Variants in CREB1 observed in about 807,000 individuals in gnomAD.
CREB1 encodes cAMP responsive element binding protein 1, also known as cyclic AMP-responsive element-binding protein 1.
A neutral mutation model predicts 42.0 loss-of-function variants in CREB1; 2 were observed. The observed-to-expected ratio is 0.05, with a 90% confidence interval of 0.02 to 0.15. The LOEUF is 0.15. CREB1 is among the 10% of genes least tolerant of loss of function. The probability of loss-of-function intolerance (pLI) is 1.00; values close to 1 mark genes in which losing one functional copy is unlikely to be tolerated. For missense variants in CREB1, 199 were observed against 388.9 expected, an observed-to-expected ratio of 0.51 and a Z score of 4.11; for synonymous variants, 123 against 139.9, an observed-to-expected ratio of 0.88 and a Z score of 0.85.
At chr2:207,546,481 CTT>C in intron 1 of CREB1, among the ~76,000 whole-genome samples, 1 of 152,276 alleles carries the variant, frequency 6.6e-6, no homozygotes, top group East Asian at 1.9e-4. Context: ...AATCCCAACA[CTT>C]TGAGAGGCTG....
intron 7 of CREB1, among the ~76,000 whole-genome samples, chr2:207,590,934 TCA>T (rs2084918772): frequency 6.6e-6 from 1 of 152,226 alleles, no homozygotes; most frequent in African/African-American, 2.4e-5. Flanking sequence ...TTATTTGCAT[TCA>T]GTTTAAAAAT....
intron 5 of CREB1, chr2:207,571,629 G>A (rs546800550): frequency 1.6e-5 from 6 of 363,644 alleles, no homozygotes; most frequent in South Asian, 1.0e-4. Context: ...AATTCTGTAC[G>A]TGTATGTGTA....
intron 5 of CREB1, chr2:207,571,647 T>G (rs1023438697): frequency 2.8e-5 from 12 of 424,698 alleles, no homozygotes; most frequent in African/African-American, 2.4e-4. Context: ...GTATTATCAG[T>G]TGAAGCCTCA....
intron 1 of CREB1, among the ~76,000 whole-genome samples, chr2:207,534,857 G>T (rs772800524): frequency 1.3e-5 from 2 of 152,098 alleles, no homozygotes; most frequent in Non-Finnish European, 2.9e-5. Context: ...GCAAACACGA[G>T]CAAATATGTA....
At chr2:207,543,622 ATTT>A (rs909279882) in intron 1 of CREB1, among the ~76,000 whole-genome samples, 4 of 151,718 alleles carry the variant, frequency 2.6e-5, no homozygotes, top group Admixed American at 2.6e-4. Context: ...TTATTTATTT[ATTT>A]TTGAGATGGA....
At chr2:207,540,669 T>TAAAAAA (rs35714520) in intron 1 of CREB1, among the ~76,000 whole-genome samples, 503 of 64,166 alleles carry the variant, frequency 7.8e-3, no homozygotes, top group East Asian at 0.017. Flanking sequence ...GTTTAAAAAG[T>TAAAAAA]AAAAAAAAAA....
rs571652212 is a variant in CREB1, at chr2:207,558,478, A to G, written c.115-1748A>G. Among the ~76,000 whole-genome samples the G allele has an allele frequency of 5.3e-5, 8 of 152,094 alleles. No homozygotes were observed. The South Asian group carries it at 1.2e-3, about 24-fold the overall frequency. ...TAAAGCCCTTTCTGGACTGCTTCCA[A>G]ATTTTCATAAAATCACTTCCCTCGT... On this transcript the variant is annotated intron_variant, in intron 2 of 7. Transcript: ENST00000353267.
chr2:207,543,988 C>T (rs887693994), intron 1 of CREB1, among the ~76,000 whole-genome samples: 70 of 151,584 alleles, frequency 4.6e-4, no homozygotes, highest in African/African-American at 1.5e-3. Context: ...GGCACCATCT[C>T]AGCTCACTGC....
intron 1 of CREB1, among the ~76,000 whole-genome samples, chr2:207,554,696 A>T (rs1015536579): frequency 3.9e-5 from 6 of 152,204 alleles, no homozygotes; most frequent in Admixed American, 6.5e-5. Flanking sequence ...AGCAAAGCAG[A>T]GTCCAAATGT....
In CREB1 at chr2:207,597,508, G is replaced by A. The variant is rs2086364746; in HGVS notation, c.*450G>A. ...AGTAAGTAAGGTGCAATGAAGAAGT[G>A]TTGATTGCCAAATTGACATGTTGTC... On this transcript the variant is annotated 3_prime_UTR_variant, in exon 8 of 8. Coordinates refer to ENST00000353267, the MANE Select transcript of CREB1 (RefSeq NM_004379.5). 4.5e-6 allele frequency: 1 copy of A among 219,986 alleles called. No individual in the cohort carries two copies. The highest frequency in any genetic ancestry group is 2.2e-5 in the African/African-American group (1 of 44,594). 13.6% of individuals were successfully genotyped at this position (219,986 alleles called of 1,614,324 possible).
At chr2:207,585,526 A>G (rs181616284) in intron 7 of CREB1, among the ~76,000 whole-genome samples, 1 of 152,352 alleles carries the variant, frequency 6.6e-6, no homozygotes, top group Non-Finnish European at 1.5e-5. Context: ...TAAAATACTG[A>G]GGAAACACGA....
chr2:207,561,253 A>G lies in CREB1; in HGVS notation c.261+881A>G, dbSNP rs2081946324. On this transcript the variant is annotated intron_variant, in intron 3 of 7. Coordinates refer to ENST00000353267, the MANE Select transcript of CREB1 (RefSeq NM_004379.5). ...GTCTTTGTCCTTTTCCTCTATAAAC[A>G]TGGAATTTCAACACTTGAACAAAAA... The G allele has an allele frequency of 6.9e-6, 8 of 1,157,972 alleles. 1 individual carries two copies. Among genetic ancestry groups the G allele is most frequent in the South Asian group, 5.4e-5 (4 of 73,864 alleles). 71.7% of individuals were successfully genotyped at this position (1,157,972 alleles called of 1,614,324 possible).
At chr2:207,538,588 A>G (rs888230565) in intron 1 of CREB1, among the ~76,000 whole-genome samples, 1 of 152,132 alleles carries the variant, frequency 6.6e-6, no homozygotes, top group Non-Finnish European at 1.5e-5. Context: ...AAAAGGGGCG[A>G]GGTTTTGAGA....
rs916176156 is a variant in CREB1 at position 207,582,756 on chromosome 2, G to A, written c.839+5101G>A. ...TAAAAAGAGAAAATTTAGCCGGGGTGGTGGTGCACGCTTGTAATCCCAGCT... is the reference window on the plus strand; with the variant it reads ...TAAAAAGAGAAAATTTAGCCGGGGTAGTGGTGCACGCTTGTAATCCCAGCT... On this transcript the variant is annotated intron_variant, in intron 7 of 7. Coordinates refer to ENST00000353267, the MANE Select transcript of CREB1 (RefSeq NM_004379.5). 18 of 196,200 alleles carry A rather than the reference G, an allele frequency of 9.2e-5. No homozygotes were observed. In the Admixed American group the frequency reaches 1.1e-3, roughly 12 times the overall value. The allele number at this position is 196,200 out of a possible 1,614,324, so 12.2% of individuals were successfully genotyped here.
At chr2:207,578,522 G>A (rs528192737) in intron 7 of CREB1, among the ~76,000 whole-genome samples, 1 of 152,270 alleles carries the variant, frequency 6.6e-6, no homozygotes, top group South Asian at 2.1e-4. Flanking sequence ...TTAACCTTCT[G>A]TACCTCAGTT....
In CREB1 at chr2:207,577,527, A is replaced by G. The variant is rs752159505; in HGVS notation, c.711A>G (p.Thr237=). Residue 237 remains threonine, a synonymous_variant, in exon 7 of 8, where the codon ACA becomes ACG. Coordinates refer to ENST00000353267, the MANE Select transcript of CREB1 (RefSeq NM_004379.5). ...CAGCTGCCTCTGGAGACGTACAAAC[A>G]TACCAGATTCGCACAGCACCCACTA... ...VVQAASGDVQ[T]YQIRTAPTST... 6.2e-7 allele frequency: 1 copy of G among 1,613,926 alleles called. No individual in the cohort carries two copies. The highest frequency in any genetic ancestry group is 8.5e-7 in the Non-Finnish European group (1 of 1,179,976).
At chr2:207,533,540 A>C (rs2106329590) in intron 1 of CREB1, among the ~76,000 whole-genome samples, 1 of 152,334 alleles carries the variant, frequency 6.6e-6, no homozygotes, top group Admixed American at 6.5e-5. Flanking sequence ...TTTATTCCAT[A>C]AATAGCTTAT....
chr2:207,565,586 C>G (rs375494743), intron 3 of CREB1, among the ~76,000 whole-genome samples: 2 of 151,040 alleles, frequency 1.3e-5, no homozygotes, highest in East Asian at 3.9e-4. Flanking sequence ...TCAAAACTAT[C>G]CTGTGGGTAG....
Position 207,565,547 on chromosome 2 carries a change from A to G in CREB1, c.262-1916A>G, listed in dbSNP as rs532202022. Among the ~76,000 whole-genome samples the G allele has an allele frequency of 1.8e-4, 28 of 151,762 alleles. No homozygotes were observed. In the East Asian group the frequency reaches 5.4e-3, roughly 29 times the overall value. On this transcript the variant is annotated intron_variant, in intron 3 of 7. Coordinates refer to ENST00000353267, the MANE Select transcript of CREB1 (RefSeq NM_004379.5). ...AGAGTTAGAAAAAAAAAGGACACAG[A>G]TTAAAAAACAACATTAATTTGTTTC...
Sources: gnomAD v4.1 joint callset for allele counts (sites outside exome capture counted in the v4.1 genomes callset) on GRCh38, gnomAD v4.1.1 for gene constraint, MANE v1.5 for transcripts, NCBI Gene and HGNC (gene_info 2026-07-23, HGNC 2026-07-21) for gene names.